RBFOX1: variants seen among roughly 807,000 people sequenced by gnomAD.
The protein encoded by RBFOX1 is RNA binding protein fox-1 homolog 1.
In RBFOX1, 8 loss-of-function variants were observed where a neutral mutation model predicts 57.7. That is an observed-to-expected ratio of 0.14 (90% confidence interval 0.08 to 0.25). The LOEUF (loss-of-function observed/expected upper bound fraction) is 0.25, where lower values mean the gene tolerates loss of function less well. Among genes scored for constraint, RBFOX1 ranks in the 10% least tolerant of loss-of-function variants. The probability of loss-of-function intolerance (pLI) is 1.00; values close to 1 mark genes in which losing one functional copy is unlikely to be tolerated. For missense variants in RBFOX1, 611 were observed against 548.5 expected (o/e 1.11, Z -1.14); for synonymous variants, 326 against 222.4 (o/e 1.47, Z -4.15).
chr16:7,074,604 T>C (rs533460537), intron 4 of RBFOX1, among the ~76,000 whole-genome samples: 3 of 152,228 alleles, frequency 2.0e-5, no homozygotes, highest in Admixed American at 6.5e-5. Flanking sequence ...TTTAAATACA[T>C]ATAATTGGAT....
At chr16:7,437,199 A>C (rs1033003465) in intron 4 of RBFOX1, among the ~76,000 whole-genome samples, 1 of 152,142 alleles carries the variant, frequency 6.6e-6, no homozygotes, top group Non-Finnish European at 1.5e-5. Context: ...CCAAGTTCAC[A>C]ATCACAAACA....
At chr16:7,003,565 C>G (rs377615858) in intron 3 of RBFOX1, among the ~76,000 whole-genome samples, 14 of 151,778 alleles carry the variant, frequency 9.2e-5, no homozygotes, top group East Asian at 5.8e-4. Flanking sequence ...AAAATAAAAC[C>G]AGAGGTTGAA....
In RBFOX1 at chr16:6,657,351, A is replaced by G. The variant is rs79019698; in HGVS notation, c.-16+2701A>G. On this transcript the variant is annotated intron_variant, in intron 3 of 15. Coordinates refer to ENST00000550418, the MANE Select transcript of RBFOX1 (RefSeq NM_018723.4). ...GAGGTTTTAGGAGCTTGCTTTATAT[A>G]TGGGAGACATTTCTCTTAATTGAAC... Among the ~76,000 whole-genome samples, 190 of 152,216 alleles carry G rather than the reference A, an allele frequency of 1.2e-3. 4 individuals carry two copies. The East Asian group carries it at 0.032, about 26-fold the overall frequency.
intron 4 of RBFOX1, among the ~76,000 whole-genome samples, chr16:7,463,552 A>G (rs947335395): frequency 1.3e-5 from 2 of 152,198 alleles, no homozygotes; most frequent in African/African-American, 4.8e-5. Flanking sequence ...TCCTACCCTT[A>G]TGATGTAATC....
chr16:5,408,778 C>T (rs866483738), intron 1 of RBFOX1, among the ~76,000 whole-genome samples: 71 of 152,178 alleles, frequency 4.7e-4, no homozygotes, highest in African/African-American at 1.6e-3. Context: ...AGGCACTTCC[C>T]ATGGCAAAAG....
At chr16:7,035,118 G>C (rs986195391) in intron 3 of RBFOX1, among the ~76,000 whole-genome samples, 3 of 151,834 alleles carry the variant, frequency 2.0e-5, no homozygotes, top group Admixed American at 6.6e-5. Context: ...AAAGTGCTGG[G>C]ATTACAGGTG....
At chr16:6,831,408 A>C (rs1264740027) in intron 3 of RBFOX1, among the ~76,000 whole-genome samples, 1 of 152,206 alleles carries the variant, frequency 6.6e-6, no homozygotes, top group African/African-American at 2.4e-5. Flanking sequence ...TATGCAAAAA[A>C]CAGGAATACT....
chr16:6,041,039 C>A (rs2152415341), intron 1 of RBFOX1, among the ~76,000 whole-genome samples: 1 of 152,122 alleles, frequency 6.6e-6, no homozygotes, highest in South Asian at 2.1e-4. Context: ...ATAATGTTAC[C>A]CATCCACCAT....
At position 6,871,840 on chromosome 16, in the gene RBFOX1, C is replaced by T. The variant is rs115098551; in HGVS notation, c.-15-180217C>T. Among the ~76,000 whole-genome samples, 880 of 151,720 alleles carry T rather than the reference C, an allele frequency of 5.8e-3. 14 individuals carry two copies. Among genetic ancestry groups the T allele is most frequent in the African/African-American group, 0.02 (832 of 41,324 alleles). On this transcript the variant is annotated intron_variant, in intron 3 of 15. Coordinates refer to ENST00000550418, the MANE Select transcript of RBFOX1 (RefSeq NM_018723.4). ...CCCTCAAAGTGCAGTTGCTGCTTAGCCTATCGTGTCCTAAATCCGCATCTG... is the reference window on the plus strand; with the variant it reads ...CCCTCAAAGTGCAGTTGCTGCTTAGTCTATCGTGTCCTAAATCCGCATCTG...
intron 3 of RBFOX1, among the ~76,000 whole-genome samples, chr16:5,616,397 C>A (rs906606288): frequency 6.6e-6 from 1 of 152,176 alleles, no homozygotes; most frequent in Non-Finnish European, 1.5e-5. Flanking sequence ...GAGGTCCAGG[C>A]GCTGCTCCTG....
intron 3 of RBFOX1, among the ~76,000 whole-genome samples, chr16:5,684,201 G>A (rs1020203965): frequency 1.1e-4 from 16 of 152,124 alleles, no homozygotes; most frequent in African/African-American, 3.6e-4. Context: ...AGAGGATGGC[G>A]CCCTCTTCGA....
At chr16:5,501,421 T>A (rs562353546) in intron 2 of RBFOX1, among the ~76,000 whole-genome samples, 1 of 149,390 alleles carries the variant, frequency 6.7e-6, no homozygotes, top group Non-Finnish European at 1.5e-5. Context: ...GCAGACAAAC[T>A]ATGCGGACGC....
At chr16:7,234,094 C>T (rs540153639) in intron 4 of RBFOX1, among the ~76,000 whole-genome samples, 1 of 152,122 alleles carries the variant, frequency 6.6e-6, no homozygotes, top group Non-Finnish European at 1.5e-5. Context: ...AATGCTTGGT[C>T]AATTTTCATT....
rs1603314147 is a variant in RBFOX1, at chr16:7,219,766, C to A, written c.27+167668C>A. Among the ~76,000 whole-genome samples the A allele has an allele frequency of 3.3e-5, 5 of 152,124 alleles. No homozygotes were observed. In the South Asian group the frequency reaches 1.0e-3, roughly 32 times the overall value. ...AATGACTCCATTCCTTTTAGAAAAG[C>A]CAGACGGATAATTTAATTTTTGTTC... is the stretch of plus-strand genomic sequence containing the variant. On this transcript the variant is annotated intron_variant, in intron 4 of 15. Coordinates refer to ENST00000550418, the MANE Select transcript of RBFOX1 (RefSeq NM_018723.4).
chr16:6,554,679 A>T (rs1315983801), intron 2 of RBFOX1, among the ~76,000 whole-genome samples: 3 of 152,132 alleles, frequency 2.0e-5, no homozygotes, highest in Non-Finnish European at 4.4e-5. Flanking sequence ...TCAGTCACTG[A>T]AAGTGTGGAA....
At chr16:6,613,140 T>G (rs746494080) in intron 2 of RBFOX1, among the ~76,000 whole-genome samples, 2 of 152,016 alleles carry the variant, frequency 1.3e-5, no homozygotes, top group Non-Finnish European at 2.9e-5. Flanking sequence ...GCATGTGCCT[T>G]GATCTATAGG....
intron 1 of RBFOX1, among the ~76,000 whole-genome samples, chr16:6,259,413 G>T (rs1423565455): frequency 1.3e-5 from 2 of 151,958 alleles, no homozygotes; most frequent in Non-Finnish European, 2.9e-5. Flanking sequence ...CTGCCTTCTT[G>T]GTCAGTGGAG....
chr16:6,794,349 A>C (rs905904894), intron 3 of RBFOX1, among the ~76,000 whole-genome samples: 1 of 148,870 alleles, frequency 6.7e-6, no homozygotes, highest in Non-Finnish European at 1.5e-5. Flanking sequence ...AGGCATTCTC[A>C]AACTACAGGA....
intron 13 of RBFOX1, among the ~76,000 whole-genome samples, chr16:7,673,246 A>G (rs1454062211): frequency 6.6e-6 from 1 of 152,164 alleles, no homozygotes; most frequent in Non-Finnish European, 1.5e-5. Context: ...TTAAGCCTCA[A>G]ATTCTCTGAG....
Sources: gnomAD v4.1 joint callset for allele counts (sites outside exome capture counted in the v4.1 genomes callset) on GRCh38, gnomAD v4.1.1 for gene constraint, MANE v1.5 for transcripts, NCBI Gene and HGNC (gene_info 2026-07-23, HGNC 2026-07-21) for gene names.